The following CADPS2 variants were observed in gnomAD, a reference collection of about 807,000 sequenced individuals.
The protein encoded by CADPS2 is calcium dependent secretion activator 2, also known as calcium-dependent secretion activator 2.
CADPS2 carries 93 observed loss-of-function variants against 172.5 expected under a neutral mutation model. The ratio of observed to expected loss-of-function variants is 0.54; its 90% CI spans 0.46 to 0.64. The LOEUF (loss-of-function observed/expected upper bound fraction) is 0.64. Ranked by LOEUF, CADPS2 falls within the 30% of genes least tolerant of loss-of-function variation. CADPS2 has a pLI of 0.00. For synonymous variants in CADPS2, 546 were observed against 555.2 expected (o/e 0.98, Z 0.23); for missense variants, 1,420 against 1,565.9 (o/e 0.91, Z 1.57).
chr7:122,737,753 A>T (rs2092256939), intron 1 of CADPS2, among the ~76,000 whole-genome samples: 1 of 152,148 alleles, frequency 6.6e-6, no homozygotes, highest in Non-Finnish European at 1.5e-5. Context: ...GTTAATATTA[A>T]TAATATTATA....
intron 1 of CADPS2, among the ~76,000 whole-genome samples, chr7:122,751,732 A>G (rs2092960827): frequency 6.6e-6 from 1 of 152,158 alleles, no homozygotes; most frequent in South Asian, 2.1e-4. Context: ...ACACTGCCAC[A>G]TGCTACACTG....
Position 122,387,038 on chromosome 7 carries a change from A to G in CADPS2, c.3300T>C (p.Asp1100=), listed in dbSNP as rs374329379. The change falls in exon 24 of 30, where the codon GAT becomes GAC. Residue 1100 remains aspartate, a synonymous_variant. Coordinates refer to ENST00000449022, the MANE Select transcript of CADPS2 (RefSeq NM_017954.11). Reference sequence around the variant, plus strand: ...ACATTCTACATACCTCTTGTCCTCCATCCAGGGCACAGAGTTTGGTGCTTT... The same window carrying G: ...ACATTCTACATACCTCTTGTCCTCCGTCCAGGGCACAGAGTTTGGTGCTTT... ...KKQSTKLCAL[D]GGQEQQYHSK... 19 of 1,557,370 alleles carry G rather than the reference A, an allele frequency of 1.2e-5. No individual in the cohort carries two copies. Among genetic ancestry groups the G allele is most frequent in the Non-Finnish European group, 1.4e-5 (16 of 1,149,146 alleles).
intron 24 of CADPS2, among the ~76,000 whole-genome samples, chr7:122,383,368 C>T (rs751014185): frequency 8.6e-5 from 13 of 151,916 alleles, no homozygotes; most frequent in Non-Finnish European, 1.6e-4. Context: ...GATGGAAAAA[C>T]GACCTATTGA....
At chr7:122,692,842 T>C (rs2084574271) in intron 2 of CADPS2, among the ~76,000 whole-genome samples, 1 of 152,248 alleles carries the variant, frequency 6.6e-6, no homozygotes. Flanking sequence ...TCTCTCTGTC[T>C]TGGCTGCTTG....
At position 122,382,042 on chromosome 7, in the gene CADPS2, C is replaced by T. The variant is rs114441024; in HGVS notation, c.3313-2600G>A. Among the ~76,000 whole-genome samples, 1,286 of 152,114 alleles carry T rather than the reference C, an allele frequency of 8.5e-3. 17 individuals carry two copies. The highest frequency in any genetic ancestry group is 0.03 in the African/African-American group (1,228 of 41,522). On this transcript the variant is annotated intron_variant, in intron 24 of 29. Transcript: ENST00000449022. ...CACATGAGTGTGAGAGAAAAGATGG[C>T]CCGAGAATTCCCATTTTACATATAT...
chr7:122,783,640 C>T (rs761271660), intron 1 of CADPS2, among the ~76,000 whole-genome samples: 6 of 152,328 alleles, frequency 3.9e-5, no homozygotes, highest in African/African-American at 7.2e-5. Flanking sequence ...GTTGCTACCA[C>T]GGCCCCAATC....
chr7:122,430,339 T>C (rs1038484284), intron 17 of CADPS2, among the ~76,000 whole-genome samples: 2 of 152,202 alleles, frequency 1.3e-5, no homozygotes, highest in African/African-American at 4.8e-5. Flanking sequence ...AATCACAATA[T>C]GCTATATAAT....
intron 1 of CADPS2, among the ~76,000 whole-genome samples, chr7:122,776,529 A>T (rs185962646): frequency 6.6e-6 from 1 of 152,154 alleles, no homozygotes; most frequent in East Asian, 1.9e-4. Context: ...AAACTGAGGA[A>T]CAGGCAGATT....
chr7:122,792,365 G>A (rs1563028566), intron 1 of CADPS2, among the ~76,000 whole-genome samples: 1 of 152,124 alleles, frequency 6.6e-6, no homozygotes, highest in Non-Finnish European at 1.5e-5. Flanking sequence ...AGGCCCCAGA[G>A]AGACCCCATC....
intron 17 of CADPS2, among the ~76,000 whole-genome samples, chr7:122,432,181 G>A (rs969434906): frequency 6.6e-6 from 1 of 152,142 alleles, no homozygotes; most frequent in Non-Finnish European, 1.5e-5. Context: ...GAGGGCTCTG[G>A]TGTCTGAGAG....
chr7:122,524,127 A>G (rs1406569229), intron 8 of CADPS2, among the ~76,000 whole-genome samples: 2 of 152,218 alleles, frequency 1.3e-5, no homozygotes, highest in African/African-American at 4.8e-5. Flanking sequence ...GAAAACGTAA[A>G]TAGTTTAGCA....
chr7:122,606,722 T>C lies in CADPS2; in HGVS notation c.1223+8459A>G, dbSNP rs1392185049. On this transcript the variant is annotated intron_variant, in intron 6 of 29. Transcript: ENST00000449022. ...AGAGTACTGAGTGCCTACTGAGCCA[T>C]ACTATTGTGGCTGGTGCTAATGGGG... Among the ~76,000 whole-genome samples the C allele has an allele frequency of 2.0e-5, 3 of 152,012 alleles. 1 individual carries two copies. The highest frequency in any genetic ancestry group is 4.2e-4 in the South Asian group (2 of 4,818).
intron 17 of CADPS2, among the ~76,000 whole-genome samples, chr7:122,431,094 C>T (rs1488907437): frequency 2.0e-5 from 3 of 152,170 alleles, no homozygotes; most frequent in Non-Finnish European, 4.4e-5. Flanking sequence ...TTTTTCCAAT[C>T]CTGTTATTTT....
chr7:122,621,463 T>C lies in CADPS2; in HGVS notation c.1104+18A>G. Reference sequence around the variant, plus strand: ...TCATTTATGCTGTCAGAGGTGAGCATGAGATAAAGCTACTTACCTCTAAGG... The same window carrying C: ...TCATTTATGCTGTCAGAGGTGAGCACGAGATAAAGCTACTTACCTCTAAGG... On this transcript the variant is annotated intron_variant, in intron 5 of 29. Coordinates refer to ENST00000449022, the MANE Select transcript of CADPS2 (RefSeq NM_017954.11). The C allele has an allele frequency of 6.7e-7, 1 of 1,487,936 alleles. No homozygotes were observed. The highest frequency in any genetic ancestry group is 1.7e-5 in the Admixed American group (1 of 57,642). The allele number at this position is 1,487,936 out of a possible 1,614,324, so 92.2% of individuals were successfully genotyped here.
chr7:122,641,311 A>C (rs1261152471), intron 3 of CADPS2, among the ~76,000 whole-genome samples: 3 of 152,144 alleles, frequency 2.0e-5, no homozygotes, highest in African/African-American at 4.8e-5. Flanking sequence ...ATACTTGACA[A>C]ATATTTAGTT....
intron 1 of CADPS2, among the ~76,000 whole-genome samples, chr7:122,754,820 G>A (rs1302672779): frequency 6.6e-6 from 1 of 152,150 alleles, no homozygotes; most frequent in African/African-American, 2.4e-5. Context: ...AACACATAAT[G>A]TAAATGTCTA....
intron 3 of CADPS2, among the ~76,000 whole-genome samples, chr7:122,637,434 T>G (rs1291323678): frequency 6.6e-6 from 1 of 152,092 alleles, no homozygotes; most frequent in Non-Finnish European, 1.5e-5. Flanking sequence ...CCTCCCAAAG[T>G]GCTGGGATTA....
chr7:122,502,016 T>C (rs1324482121), intron 9 of CADPS2, among the ~76,000 whole-genome samples: 1 of 152,014 alleles, frequency 6.6e-6, no homozygotes, highest in African/African-American at 2.4e-5. Context: ...ACAACTGTAT[T>C]CCCGAATAGC....
intron 2 of CADPS2, among the ~76,000 whole-genome samples, chr7:122,674,280 G>A (rs1564028465): frequency 6.6e-6 from 1 of 152,250 alleles, no homozygotes; most frequent in Non-Finnish European, 1.5e-5. Context: ...GGCTCCCACA[G>A]CGCAGCGGTG....
Sources: allele counts gnomAD v4.1 joint callset (sites outside exome capture counted in the v4.1 genomes callset), GRCh38; gene constraint gnomAD v4.1.1; transcripts MANE v1.5; gene names NCBI Gene and HGNC (gene_info 2026-07-23, HGNC 2026-07-21).